Variants in WDFY3 observed in about 807,000 individuals in gnomAD.
WDFY3 encodes WD repeat and FYVE domain-containing protein 3.
WDFY3 carries 66 observed loss-of-function variants against 409.6 expected under a neutral mutation model. The ratio of observed to expected loss-of-function variants is 0.16; its 90% CI spans 0.13 to 0.20. The LOEUF is 0.20. Among genes scored for constraint, WDFY3 ranks in the 10% least tolerant of loss-of-function variants. The pLI is 1.00. For synonymous variants in WDFY3, 1,521 were observed against 1,537.1 expected, an observed-to-expected ratio of 0.99 and a Z score of 0.25; for missense variants, 3,031 against 4,298.1, an observed-to-expected ratio of 0.71 and a Z score of 8.24.
At chr4:84,699,245 C>A (rs971404985) in intron 56 of WDFY3, among the ~76,000 whole-genome samples, 3 of 152,094 alleles carry the variant, frequency 2.0e-5, no homozygotes, top group Non-Finnish European at 2.9e-5. Context: ...CCCAGAACAC[C>A]AATCTGTGTC....
intron 43 of WDFY3, among the ~76,000 whole-genome samples, chr4:84,734,804 C>T (rs2149181688): frequency 6.6e-6 from 1 of 152,272 alleles, no homozygotes; most frequent in Non-Finnish European, 1.5e-5. Flanking sequence ...CAGAATTCAG[C>T]TGGGCTCATT....
At chr4:84,960,517 TTATC>T (rs1774779035) in intron 1 of WDFY3, among the ~76,000 whole-genome samples, 1 of 152,196 alleles carries the variant, frequency 6.6e-6, no homozygotes, top group African/African-American at 2.4e-5. Flanking sequence ...ACTGAACAAA[TTATC>T]TATTTTCCGT....
In WDFY3 at chr4:84,826,826, G is replaced by A; in HGVS notation, c.1112C>T (p.Pro371Leu). The A allele has an allele frequency of 6.2e-7, 1 of 1,605,524 alleles. No homozygotes were observed. Among genetic ancestry groups the A allele is most frequent in the Non-Finnish European group, 8.5e-7 (1 of 1,177,898 alleles). ...FLLPGFAVPQ[P>L]AGKGHSVRNV... ...AAAACAAGACTCACCTTTGCCTGCA[G>A]GCTGAGGTACTGCAAATCCAGGCAA... The change falls in exon 10 of 68, where the codon CCT becomes CTT. Residue 371 changes from proline to leucine, a missense_variant. By Grantham distance (98) the Pro-to-Leu change is moderately conservative (BLOSUM62 -3). Transcript: ENST00000295888.
In WDFY3 at chr4:84,794,955, G is replaced by C; in HGVS notation, c.3192C>G (p.Ala1064=). The part of the protein sequence containing the change: ...GFGCLFLPSL[A]PHNAPTNNTV... The stretch of plus-strand genomic sequence containing the variant: ...TATTATTTGTAGGAGCATTATGAGG[G>C]GCCAAACTGGGCAAAAAAAGACATC... The change falls in exon 20 of 68, where the codon GCC becomes GCG. Residue 1064 remains alanine (A), a synonymous_variant. Coordinates refer to ENST00000295888, the MANE Select transcript of WDFY3 (RefSeq NM_014991.6). 1 of 1,560,932 alleles carries C rather than the reference G, an allele frequency of 6.4e-7. No individual in the cohort carries two copies. Among genetic ancestry groups the C allele is most frequent in the Non-Finnish European group, 8.6e-7 (1 of 1,158,658 alleles).
intron 39 of WDFY3, 58 bp from the exon 40 acceptor site, chr4:84,739,177 G>A (rs981035755): frequency 6.6e-7 from 1 of 1,511,634 alleles, no homozygotes; most frequent in African/African-American, 1.4e-5. Context: ...GAAGACTACA[G>A]TAACTAAGAA....
At chr4:84,784,858 GTATATATATATATATATATA>G (rs71670882) in intron 24 of WDFY3, among the ~76,000 whole-genome samples, 1 of 88,994 alleles carries the variant, frequency 1.1e-5, no homozygotes, top group African/African-American at 5.0e-5. Flanking sequence ...AAGTGTATAT[GTATATATATATATATATATA>G]TATATATATA....
chr4:84,787,272 G>T (rs192074186), intron 23 of WDFY3, among the ~76,000 whole-genome samples: 35 of 152,210 alleles, frequency 2.3e-4, no homozygotes, highest in Non-Finnish European at 4.3e-4. Context: ...GATAATAAGC[G>T]ATCAGACATA....
intron 62 of WDFY3, among the ~76,000 whole-genome samples, chr4:84,684,989 AG>A (rs1728057379): frequency 6.6e-6 from 1 of 152,210 alleles, no homozygotes; most frequent in African/African-American, 2.4e-5. Flanking sequence ...AAAGGATGAA[AG>A]TGAGGGGCAA....
At chr4:84,920,975 G>A (rs973283831) in intron 2 of WDFY3, among the ~76,000 whole-genome samples, 2 of 152,006 alleles carry the variant, frequency 1.3e-5, no homozygotes, top group Admixed American at 6.6e-5. Context: ...CTGCTACAGA[G>A]TGAATTCCCC....
chr4:84,760,083 T>G (rs1742256525), intron 32 of WDFY3, among the ~76,000 whole-genome samples: 1 of 151,126 alleles, frequency 6.6e-6, no homozygotes, highest in South Asian at 2.1e-4. Context: ...TGTCTTTGGT[T>G]CTGTTTATAT....
intron 3 of WDFY3, among the ~76,000 whole-genome samples, chr4:84,877,202 G>A (rs961257543): frequency 3.3e-5 from 5 of 152,130 alleles, no homozygotes; most frequent in African/African-American, 4.8e-5. Context: ...CCCGTCTACT[G>A]CAGGCCTCCT....
rs1304473046 is a variant in WDFY3, at chr4:84,766,347, A to G, written c.4875T>C (p.Leu1625=). 6.2e-7 allele frequency: 1 copy of G among 1,601,262 alleles called. No individual in the cohort carries two copies. The highest frequency in any genetic ancestry group is 8.5e-7 in the Non-Finnish European group (1 of 1,176,428). Residue 1625 remains leucine, a synonymous_variant, in exon 31 of 68, where the codon CTT becomes CTC. Coordinates refer to ENST00000295888, the MANE Select transcript of WDFY3 (RefSeq NM_014991.6). ...TCAAAAGTATAAGATTAGCTGATAC[A>G]AGACCTCCAAACTCCTCTTCAGTTC... is the stretch of plus-strand genomic sequence containing the variant. The part of the protein sequence containing the change: ...DTGTEEEFGG[L]VSANLILLRN...
chr4:84,822,632 A>G (rs2149834087), intron 10 of WDFY3, among the ~76,000 whole-genome samples: 1 of 151,880 alleles, frequency 6.6e-6, no homozygotes, highest in South Asian at 2.1e-4. Context: ...GGATTGCTTG[A>G]GCCCAGGAGT....
Position 84,718,329 on chromosome 4 carries a change from A to G in WDFY3, c.7754+93T>C, listed in dbSNP as rs1578238167. On this transcript the variant is annotated intron_variant, in intron 48 of 67. Transcript: ENST00000295888. ...CAAACCGAGAGATAACATTACCTAG[A>G]ACACAATTTTTTGATTAAAAAAGAA... 3 of 1,391,518 alleles carry G rather than the reference A, an allele frequency of 2.2e-6. No individual in the cohort carries two copies. The East Asian group carries it at 6.9e-5, about 32-fold the overall frequency. 86.2% of individuals were successfully genotyped at this position (1,391,518 alleles called of 1,614,324 possible).
chr4:84,812,265 C>T (rs774513864), intron 13 of WDFY3, among the ~76,000 whole-genome samples: 13 of 152,026 alleles, frequency 8.6e-5, no homozygotes, highest in Non-Finnish European at 1.9e-4. Context: ...GTTAGTTTCC[C>T]TATCTTGTCA....
At chr4:84,925,446 C>T (rs1385580390) in intron 2 of WDFY3, among the ~76,000 whole-genome samples, 2 of 151,784 alleles carry the variant, frequency 1.3e-5, no homozygotes, top group African/African-American at 4.8e-5. Flanking sequence ...TTGGTCTGGA[C>T]TCTTCAAAAA....
chr4:84,772,897 G>A lies in WDFY3; in HGVS notation c.4787C>T (p.Thr1596Ile). Residue 1596 changes from threonine (T) to isoleucine (I), a missense_variant, in exon 30 of 68, where the codon ACC becomes ATC. Physicochemically the swap from Thr to Ile is moderately conservative, Grantham distance 89 (BLOSUM62 -1). This residue lies in a region of WDFY3 where 342 missense variants were observed against 463.7 expected (regional missense o/e 0.74). Coordinates refer to ENST00000295888, the MANE Select transcript of WDFY3 (RefSeq NM_014991.6). ...FGQFISSTLP[T>I]FAVCEKFVVM... Reference sequence around the variant, plus strand: ...TACAAATTTCTCACAAACCGCAAAGGTTGGCAAAGTAGAAGAAATAAACTG... The same window carrying A: ...TACAAATTTCTCACAAACCGCAAAGATTGGCAAAGTAGAAGAAATAAACTG... The A allele has an allele frequency of 6.2e-7, 1 of 1,607,892 alleles. No homozygotes were observed. The highest frequency in any genetic ancestry group is 8.5e-7 in the Non-Finnish European group (1 of 1,177,730).
chr4:84,864,597 G>A (rs1047109691), intron 3 of WDFY3, among the ~76,000 whole-genome samples: 1 of 151,830 alleles, frequency 6.6e-6, no homozygotes, highest in Admixed American at 6.6e-5. Flanking sequence ...TTATTTCTAC[G>A]AATTGCAGTC....
chr4:84,754,734 G>C (rs1252719838), intron 34 of WDFY3, among the ~76,000 whole-genome samples: 1 of 152,080 alleles, frequency 6.6e-6, no homozygotes, highest in East Asian at 1.9e-4. Context: ...AATGAAACTT[G>C]TATTGTTAAC....
Sources: allele counts gnomAD v4.1 joint callset (sites outside exome capture counted in the v4.1 genomes callset), GRCh38; gene constraint gnomAD v4.1.1; regional missense constraint gnomAD v4.1.1; transcripts MANE v1.5; gene names NCBI Gene and HGNC (gene_info 2026-07-23, HGNC 2026-07-21).